NDUFB9: variants seen among roughly 807,000 people sequenced by gnomAD.
NDUFB9 encodes the protein NADH dehydrogenase [ubiquinone] 1 beta subcomplex subunit 9.
In NDUFB9, 24 loss-of-function variants were observed where a neutral mutation model predicts 30.2. The observed-to-expected ratio is 0.80, with a 90% confidence interval of 0.58 to 1.12. The LOEUF (loss-of-function observed/expected upper bound fraction) is 1.12, where lower values mean the gene tolerates loss of function less well. Among genes scored for constraint, NDUFB9 ranks in the 50% most tolerant of loss-of-function variants. The pLI, the probability that NDUFB9 is intolerant of heterozygous loss-of-function variation, is 0.00. For missense variants in NDUFB9, 204 were observed against 226.0 expected (o/e 0.90, Z 0.62); for synonymous variants, 80 against 84.0 (o/e 0.95, Z 0.26).
At chr8:124,546,628 C>A (rs1385973401) in intron 2 of NDUFB9, 5 of 287,268 alleles carry the variant, frequency 1.7e-5, no homozygotes, top group Non-Finnish European at 3.4e-5. Context: ...TAACAAAGTT[C>A]ATTTTGGACT....
chr8:124,545,909 C>G (rs1822145865), intron 2 of NDUFB9, among the ~76,000 whole-genome samples: 1 of 152,200 alleles, frequency 6.6e-6, no homozygotes, highest in Non-Finnish European at 1.5e-5. Context: ...ATGGCACAAT[C>G]TCGGCTCACC....
At chr8:124,546,970 G>T (rs933476601) in intron 2 of NDUFB9, 30 bp from the exon 3 acceptor site, 1 of 1,494,926 alleles carries the variant, frequency 6.7e-7, no homozygotes, top group African/African-American at 1.4e-5. Flanking sequence ...GTGTCCTGTG[G>T]ATTGATACCA....
At chr8:124,541,778 A>G (rs1822001458) in intron 1 of NDUFB9, among the ~76,000 whole-genome samples, 1 of 151,514 alleles carries the variant, frequency 6.6e-6, no homozygotes, top group African/African-American at 2.4e-5. Flanking sequence ...TAATTTTTGT[A>G]TTTTTAGTAG....
chr8:124,549,419 G>C (rs907973402), intron 3 of NDUFB9, among the ~76,000 whole-genome samples: 3 of 152,070 alleles, frequency 2.0e-5, no homozygotes, highest in Non-Finnish European at 4.4e-5. Flanking sequence ...TCAGTGGGTG[G>C]GGGCTGTGAC....
intron 1 of NDUFB9, among the ~76,000 whole-genome samples, chr8:124,539,870 A>G (rs569828491): frequency 6.6e-6 from 1 of 152,144 alleles, no homozygotes; most frequent in Non-Finnish European, 1.5e-5. Context: ...TTTTAGCTTC[A>G]TCTAGTCCTT....
Position 124,539,150 on chromosome 8 carries a change from C to T in NDUFB9, c.-37C>T, listed in dbSNP as rs552160860. The T allele has an allele frequency of 1.7e-5, 27 of 1,613,782 alleles. No homozygotes were observed. The highest frequency in any genetic ancestry group is 1.3e-4 in the South Asian group (12 of 91,074). On this transcript the variant is annotated 5_prime_UTR_variant, in exon 1 of 4. Transcript: ENST00000276689. ...TCACCCGCAGCAGGCGTGCAGTTTC[C>T]CGGCTCTCCGCGCGGCCGGGGAAGG... is the stretch of plus-strand genomic sequence containing the variant.
chr8:124,543,751 A>G (rs770840833), intron 2 of NDUFB9, among the ~76,000 whole-genome samples: 1 of 152,198 alleles, frequency 6.6e-6, no homozygotes, highest in South Asian at 2.1e-4. Flanking sequence ...TCACCGACCA[A>G]TAGTTCCTCC....
intron 3 of NDUFB9, among the ~76,000 whole-genome samples, chr8:124,548,292 G>GA (rs1563709405): frequency 6.6e-6 from 1 of 152,012 alleles, no homozygotes; most frequent in East Asian, 1.9e-4. Context: ...AGAGTATAGA[G>GA]AAAAAAGAAA....
chr8:124,540,217 A>T (rs1821889808), intron 1 of NDUFB9, among the ~76,000 whole-genome samples: 1 of 152,278 alleles, frequency 6.6e-6, no homozygotes, highest in Non-Finnish European at 1.5e-5. Context: ...TGGCAGGAAG[A>T]TGGCCAAGTA....
chr8:124,547,437 T>C (rs1003733542), intron 3 of NDUFB9: 2 of 596,868 alleles, frequency 3.4e-6, no homozygotes, highest in East Asian at 2.8e-5. Flanking sequence ...TTTTCAGTCA[T>C]GTTAGGATGG....
At chr8:124,548,472 G>GA (rs1286269722) in intron 3 of NDUFB9, among the ~76,000 whole-genome samples, 1 of 152,202 alleles carries the variant, frequency 6.6e-6, no homozygotes, top group Non-Finnish European at 1.5e-5. Context: ...ATGTGGACAA[G>GA]ATGTGATAGT....
Position 124,549,829 on chromosome 8 carries a change from G to T in NDUFB9, c.477G>T (p.Lys159Asn), listed in dbSNP as rs774020236. Reference protein sequence around the residue: ...PLTEALPPARKEGDLPPLWWY... With the variant: ...PLTEALPPARNEGDLPPLWWY... ...CTGAAGCTTTGCCCCCTGCCCGAAA[G>T]GAAGGTGATTTGCCCCCACTGTGGT... Residue 159 changes from lysine (K) to asparagine (N), a missense_variant, in exon 4 of 4, where the codon AAG becomes AAT. Coordinates refer to ENST00000276689, the MANE Select transcript of NDUFB9 (RefSeq NM_005005.3). 1.9e-6 allele frequency: 3 copies of T among 1,614,088 alleles called. No homozygotes were observed. The highest frequency in any genetic ancestry group is 2.5e-6 in the Non-Finnish European group (3 of 1,180,056).
intron 3 of NDUFB9, among the ~76,000 whole-genome samples, chr8:124,547,998 AAGAG>A (rs538650204): frequency 1.7e-4 from 26 of 152,080 alleles, no homozygotes; most frequent in African/African-American, 6.3e-4. Context: ...AGAAAAAAAA[AAGAG>A]AGAATGGTTT....
intron 3 of NDUFB9, 123 bp downstream of exon 3, chr8:124,547,236 A>T: frequency 1.3e-6 from 1 of 759,170 alleles, no homozygotes; most frequent in South Asian, 1.4e-5. Flanking sequence ...TCTCAGATAT[A>T]CTTTAGTATC....
chr8:124,540,616 T>C (rs138696445), intron 1 of NDUFB9, among the ~76,000 whole-genome samples: 97 of 152,340 alleles, frequency 6.4e-4, no homozygotes, highest in African/African-American at 2.2e-3. Context: ...GAACTATAGC[T>C]GGGAATACTA....
intron 1 of NDUFB9, 118 bp downstream of exon 1, chr8:124,539,405 T>C: frequency 2.3e-6 from 2 of 887,126 alleles, no homozygotes; most frequent in Non-Finnish European, 1.9e-6. Flanking sequence ...AGGTGGCCTC[T>C]CGCTTCACAG....
chr8:124,541,232 A>G (rs1396527883), intron 1 of NDUFB9, among the ~76,000 whole-genome samples: 1 of 152,106 alleles, frequency 6.6e-6, no homozygotes, highest in African/African-American at 2.4e-5. Context: ...CATTTATCTA[A>G]ATTCTTTGAA....
chr8:124,549,732 G>A (rs1045212903), intron 3 of NDUFB9, 29 bp from the exon 4 acceptor site: 2 of 1,607,474 alleles, frequency 1.2e-6, no homozygotes, highest in Non-Finnish European at 1.7e-6. Context: ...GATTCCTTTG[G>A]TAATGATTCC....
At chr8:124,547,270 T>A (rs1441339011) in intron 3 of NDUFB9, 157 bp downstream of exon 3, 1 of 711,908 alleles carries the variant, frequency 1.4e-6, no homozygotes, top group South Asian at 1.5e-5. Context: ...TTAACATTTA[T>A]AATCACCTTA....
Sources: gnomAD v4.1 joint callset for allele counts (sites outside exome capture counted in the v4.1 genomes callset) on GRCh38, gnomAD v4.1.1 for gene constraint, MANE v1.5 for transcripts, NCBI Gene and HGNC (gene_info 2026-07-23, HGNC 2026-07-21) for gene names.